The following NOX4 variants were observed in gnomAD, a reference collection of about 807,000 sequenced individuals.
NOX4 encodes kidney oxidase-1.
A neutral mutation model predicts 87.6 loss-of-function variants in NOX4; 69 were observed. That is an observed-to-expected ratio of 0.79 (90% confidence interval 0.65 to 0.96). NOX4 has a LOEUF of 0.96. Ranked by LOEUF, NOX4 falls within the 40% of genes least tolerant of loss-of-function variation. The pLI is 0.00. For synonymous variants in NOX4, 275 were observed against 238.2 expected, an observed-to-expected ratio of 1.15 and a Z score of -1.42; for missense variants, 680 against 681.5, an observed-to-expected ratio of 1.00 and a Z score of 0.02.
the NOX4 span, chr11:89,534,003 A>C: frequency 6.6e-6 from 1 of 152,350 alleles, no homozygotes; most frequent in African/African-American, 2.4e-5. Context: ...CAAATAGAAC[A>C]AAGTTCCTAT....
intron 8 of NOX4, among the ~76,000 whole-genome samples, chr11:89,409,181 T>G (rs930638288): frequency 6.6e-6 from 1 of 152,146 alleles, no homozygotes; most frequent in Non-Finnish European, 1.5e-5. Flanking sequence ...GATAAAATAT[T>G]TATTTCATGT....
chr11:89,434,866 C>A (rs1943998551), intron 6 of NOX4, among the ~76,000 whole-genome samples: 1 of 151,978 alleles, frequency 6.6e-6, no homozygotes, highest in Admixed American at 6.6e-5. Flanking sequence ...CCACTCCAGT[C>A]CTGAAAAAGT....
intron 14 of NOX4, among the ~76,000 whole-genome samples, chr11:89,341,808 G>A (rs948029439): frequency 5.3e-5 from 8 of 152,118 alleles, no homozygotes; most frequent in African/African-American, 1.9e-4. Flanking sequence ...AGAAAATGAA[G>A]GATGGAGGCG....
At chr11:89,455,958 G>A (rs567385180) in intron 2 of NOX4, among the ~76,000 whole-genome samples, 2 of 151,990 alleles carry the variant, frequency 1.3e-5, no homozygotes, top group South Asian at 4.2e-4. Flanking sequence ...ATGGTTAACA[G>A]GTACATGAAC....
At chr11:89,573,840 T>C in the NOX4 span, among the ~76,000 whole-genome samples, 1 of 152,182 alleles carries the variant, frequency 6.6e-6, no homozygotes, top group Non-Finnish European at 1.5e-5. Context: ...GATTCTTCCC[T>C]TAGGGGGAGC....
the NOX4 span, among the ~76,000 whole-genome samples, chr11:89,579,914 G>GA: frequency 2.6e-3 from 363 of 140,510 alleles, no homozygotes; most frequent in African/African-American, 6.0e-3. Context: ...AAGGTCAAAT[G>GA]AAAAAAAAAA....
At chr11:89,552,058 C>T in the NOX4 span, among the ~76,000 whole-genome samples, 310 of 152,244 alleles carry the variant, frequency 2.0e-3, 2 homozygotes, top group African/African-American at 7.2e-3. Context: ...CCATGAGTAA[C>T]GCATTCTACT....
At chr11:89,540,670 C>A in the NOX4 span, among the ~76,000 whole-genome samples, 15 of 151,368 alleles carry the variant, frequency 9.9e-5, no homozygotes, top group African/African-American at 3.6e-4. Flanking sequence ...CACCTGTAGT[C>A]CCAGCTACTC....
intron 2 of NOX4, among the ~76,000 whole-genome samples, chr11:89,476,392 C>A (rs893669970): frequency 6.6e-6 from 1 of 152,018 alleles, no homozygotes; most frequent in African/African-American, 2.4e-5. Context: ...AAAATACTCA[C>A]TACATTCATT....
the NOX4 span, among the ~76,000 whole-genome samples, chr11:89,545,950 C>T: frequency 2.0e-5 from 3 of 152,182 alleles, no homozygotes; most frequent in African/African-American, 7.2e-5. Flanking sequence ...GCACACCCAT[C>T]AGCCCCTGTA....
chr11:89,355,905 T>TAGAACAACATAAA (rs1351696586), intron 12 of NOX4, among the ~76,000 whole-genome samples: 1 of 152,112 alleles, frequency 6.6e-6, no homozygotes, highest in Non-Finnish European at 1.5e-5. Context: ...AGCAGCTCAG[T>TAGAACAACATAAA]TGCTCATTGA....
In NOX4 at chr11:89,335,950, CA is replaced by C; in HGVS notation, c.1516-6del. ...ATATTTTTCTCCAATTATCTTCTGC[CA>C]AAAAGAAAGCACTACATTATTCGAT... On this transcript the variant is annotated splice_polypyrimidine_tract_variant and splice_region_variant and intron_variant, in intron 16 of 17. Transcript: ENST00000263317. 2 of 1,550,266 alleles carry C rather than the reference CA, an allele frequency of 1.3e-6. No individual in the cohort carries two copies. Among genetic ancestry groups the C allele is most frequent in the Admixed American group, 1.8e-5 (1 of 56,464 alleles).
At chr11:89,363,517 C>T (rs565783088) in intron 12 of NOX4, among the ~76,000 whole-genome samples, 3 of 151,898 alleles carry the variant, frequency 2.0e-5, no homozygotes, top group East Asian at 3.9e-4. Flanking sequence ...AACTTCAATG[C>T]CATTATAGCT....
chr11:89,453,767 T>G (rs1485501348), intron 2 of NOX4, among the ~76,000 whole-genome samples: 1 of 152,180 alleles, frequency 6.6e-6, no homozygotes, highest in Non-Finnish European at 1.5e-5. Flanking sequence ...ATCAGAAAGT[T>G]GTGGAGCCAG....
At chr11:89,354,807 C>T (rs868839926) in intron 13 of NOX4, among the ~76,000 whole-genome samples, 155 bp downstream of exon 13, 3 of 152,126 alleles carry the variant, frequency 2.0e-5, no homozygotes, top group African/African-American at 7.2e-5. Context: ...GAGCCTGAGA[C>T]ATTATATTGC....
At chr11:89,580,798 A>G in the NOX4 span, among the ~76,000 whole-genome samples, 1 of 152,156 alleles carries the variant, frequency 6.6e-6, no homozygotes, top group Non-Finnish European at 1.5e-5. Context: ...TGATTCTATG[A>G]TAGGGTTTGA....
intron 6 of NOX4, among the ~76,000 whole-genome samples, chr11:89,436,186 A>G (rs912421439): frequency 2.0e-5 from 3 of 152,192 alleles, no homozygotes; most frequent in Admixed American, 6.6e-5. Flanking sequence ...TTCCCAGTCC[A>G]CTGGTGGAGA....
chr11:89,397,307 A>T (rs1231626952), intron 11 of NOX4, among the ~76,000 whole-genome samples: 1 of 152,206 alleles, frequency 6.6e-6, no homozygotes, highest in African/African-American at 2.4e-5. Context: ...TCTCTGGGAC[A>T]CATTTAAAGC....
At chr11:89,372,876 T>C (rs751013681) in intron 12 of NOX4, among the ~76,000 whole-genome samples, 5 of 151,982 alleles carry the variant, frequency 3.3e-5, no homozygotes, top group Admixed American at 3.3e-4. Flanking sequence ...AGAATAATGT[T>C]TCTTTTATTT....
Sources: gnomAD v4.1 joint callset for allele counts (sites outside exome capture counted in the v4.1 genomes callset) on GRCh38, gnomAD v4.1.1 for gene constraint, MANE v1.5 for transcripts, NCBI Gene and HGNC (gene_info 2026-07-23, HGNC 2026-07-21) for gene names.